SMARCC1: variants seen among roughly 807,000 people sequenced by gnomAD.
SMARCC1 encodes the protein SWI/SNF related BAF chromatin remodeling complex subunit C1.
SMARCC1 carries 43 observed loss-of-function variants against 147.4 expected under a neutral mutation model. The observed-to-expected ratio is 0.29, with a 90% CI of 0.23 to 0.38. SMARCC1 has a LOEUF of 0.38. Among genes scored for constraint, SMARCC1 ranks in the 10% least tolerant of loss-of-function variants. SMARCC1 has a pLI of 1.00. For synonymous variants in SMARCC1, 495 were observed against 484.4 expected (o/e 1.02, Z -0.29); for missense variants, 1,119 against 1,381.1 (o/e 0.81, Z 3.01).
chr3:47,749,000 T>C (rs1358946066), intron 2 of SMARCC1, among the ~76,000 whole-genome samples: 1 of 151,768 alleles, frequency 6.6e-6, no homozygotes, highest in Non-Finnish European at 1.5e-5. Context: ...TGAGACCTCA[T>C]CTGTTTAAAA....
intron 26 of SMARCC1, among the ~76,000 whole-genome samples, chr3:47,609,689 A>G (rs1017304387): frequency 5.3e-5 from 8 of 152,250 alleles, no homozygotes; most frequent in African/African-American, 1.9e-4. Flanking sequence ...ACAAAAAGTA[A>G]AAGTGGCAGA....
At chr3:47,659,906 T>C (rs1559637347) in intron 21 of SMARCC1, among the ~76,000 whole-genome samples, 4 of 151,302 alleles carry the variant, frequency 2.6e-5, no homozygotes, top group Admixed American at 2.0e-4. Flanking sequence ...CAGGTAAAAA[T>C]GGAAAATAAG....
intron 21 of SMARCC1, among the ~76,000 whole-genome samples, chr3:47,657,668 G>A (rs1352016471): frequency 6.6e-6 from 1 of 151,958 alleles, no homozygotes; most frequent in Non-Finnish European, 1.5e-5. Context: ...ACAAAAATAA[G>A]CCAGGAGTGG....
intron 3 of SMARCC1, among the ~76,000 whole-genome samples, chr3:47,744,818 G>C (rs1032423720): frequency 1.3e-5 from 2 of 152,094 alleles, no homozygotes; most frequent in African/African-American, 4.8e-5. Context: ...CTAGAAAAGG[G>C]GAAAAGACTG....
Position 47,659,728 on chromosome 3 carries a change from T to C in SMARCC1, c.2320+1566A>G, listed in dbSNP as rs567212706. 2.4e-4 allele frequency among the ~76,000 whole-genome samples: 26 copies of C among 108,156 alleles called. No individual in the cohort carries two copies. The South Asian group carries it at 7.6e-3, about 32-fold the overall frequency. 71.0% of individuals were successfully genotyped at this position (108,156 alleles called of 152,430 possible). A position where few individuals can be genotyped will look rare whatever the true frequency, so the allele number is the denominator to read the frequency against. On this transcript the variant is annotated intron_variant, in intron 21 of 27. Coordinates refer to ENST00000254480, the MANE Select transcript of SMARCC1 (RefSeq NM_003074.4). The stretch of plus-strand genomic sequence containing the variant: ...AATTTTGCTATGAACCTAAAACTGC[T>C]CTAAGACATAAAGTCTACTAAGAAA...
intron 21 of SMARCC1, among the ~76,000 whole-genome samples, chr3:47,642,635 C>G (rs1419730440): frequency 6.6e-6 from 1 of 151,982 alleles, no homozygotes; most frequent in Non-Finnish European, 1.5e-5. Flanking sequence ...AATAGAAGAC[C>G]ACAATGAAAT....
At chr3:47,725,853 G>C (rs2034292754) in intron 6 of SMARCC1, among the ~76,000 whole-genome samples, 1 of 150,132 alleles carries the variant, frequency 6.7e-6, no homozygotes, top group African/African-American at 2.4e-5. Context: ...CCTGAGGTCA[G>C]GAGTTCAAGA....
intron 12 of SMARCC1, among the ~76,000 whole-genome samples, chr3:47,690,774 G>A (rs1030500541): frequency 3.3e-4 from 51 of 152,316 alleles, no homozygotes; most frequent in African/African-American, 1.1e-3. Flanking sequence ...AGATGGACAC[G>A]GTGGCTTAAT....
At chr3:47,647,866 C>T (rs1422269752) in intron 21 of SMARCC1, among the ~76,000 whole-genome samples, 1 of 152,232 alleles carries the variant, frequency 6.6e-6, no homozygotes, top group Non-Finnish European at 1.5e-5. Flanking sequence ...CTTATTTGAA[C>T]TTTGTATTGT....
chr3:47,766,909 G>A (rs573496447), intron 2 of SMARCC1, among the ~76,000 whole-genome samples: 2 of 152,210 alleles, frequency 1.3e-5, no homozygotes, highest in African/African-American at 4.8e-5. Context: ...CTCTAGCTGG[G>A]CATGGTGGCT....
At chr3:47,740,151 C>T (rs972185406) in intron 3 of SMARCC1, among the ~76,000 whole-genome samples, 1 of 130,884 alleles carries the variant, frequency 7.6e-6, no homozygotes, top group African/African-American at 2.8e-5. Context: ...TTACAGATTA[C>T]AGATGTGAGC....
intron 26 of SMARCC1, among the ~76,000 whole-genome samples, chr3:47,609,725 C>T (rs947722623): frequency 6.6e-6 from 1 of 152,144 alleles, no homozygotes; most frequent in Non-Finnish European, 1.5e-5. Context: ...GAAACCAGGT[C>T]ATGGGAGTTT....
intron 2 of SMARCC1, among the ~76,000 whole-genome samples, chr3:47,750,472 T>C (rs1401119051): frequency 6.6e-6 from 1 of 152,066 alleles, no homozygotes; most frequent in East Asian, 1.9e-4. Flanking sequence ...ACTAATGTAA[T>C]AGGTGGGTAT....
chr3:47,618,219 G>C (rs769218990), intron 25 of SMARCC1, among the ~76,000 whole-genome samples: 1 of 152,228 alleles, frequency 6.6e-6, no homozygotes, highest in South Asian at 2.1e-4. Flanking sequence ...GAAATATTGT[G>C]TGTGATCTGA....
intron 21 of SMARCC1, among the ~76,000 whole-genome samples, chr3:47,653,393 T>C: frequency 6.6e-6 from 1 of 152,258 alleles, no homozygotes; most frequent in East Asian, 1.9e-4. Context: ...CCCTATAGTA[T>C]GATTTTACCA....
At chr3:47,667,857 CAG>C (rs1559639760) in intron 19 of SMARCC1, among the ~76,000 whole-genome samples, 3 of 152,072 alleles carry the variant, frequency 2.0e-5, no homozygotes, top group Non-Finnish European at 4.4e-5. Context: ...AGCCTGGTGA[CAG>C]AGTGAGATTC....
chr3:47,756,458 G>A (rs574878393), intron 2 of SMARCC1, among the ~76,000 whole-genome samples: 3 of 149,308 alleles, frequency 2.0e-5, no homozygotes, highest in East Asian at 2.0e-4. Context: ...ACTTGAACCC[G>A]GGAGGCGGAG....
At chr3:47,722,293 A>ATTTTTTTTTTTTTTT (rs34260316) in intron 6 of SMARCC1, among the ~76,000 whole-genome samples, 1 of 107,080 alleles carries the variant, frequency 9.3e-6, no homozygotes, top group Non-Finnish European at 1.8e-5. Flanking sequence ...ACAAATTTTG[A>ATTTTTTTTTTTTTTT]TTTTTTTTTT....
chr3:47,605,236 C>G (rs958110716), intron 26 of SMARCC1, among the ~76,000 whole-genome samples: 1 of 152,212 alleles, frequency 6.6e-6, no homozygotes, highest in Non-Finnish European at 1.5e-5. Flanking sequence ...ATACTCAATT[C>G]TACACCTTAG....
Sources: allele counts gnomAD v4.1 joint callset (sites outside exome capture counted in the v4.1 genomes callset), GRCh38; gene constraint gnomAD v4.1.1; transcripts MANE v1.5; gene names NCBI Gene and HGNC (gene_info 2026-07-23, HGNC 2026-07-21).